The following COL5A2 variants were observed in gnomAD, a reference collection of about 807,000 sequenced individuals.
COL5A2 encodes the protein collagen type V alpha 2 chain, also known as collagen alpha-2(V) chain.
In COL5A2, 23 loss-of-function variants were observed where a neutral mutation model predicts 208.2. The ratio of observed to expected loss-of-function variants is 0.11; its 90% CI spans 0.08 to 0.16. The LOEUF (loss-of-function observed/expected upper bound fraction) is 0.16. Ranked by LOEUF, COL5A2 falls within the 10% of genes least tolerant of loss-of-function variation. The pLI is 1.00. For synonymous variants in COL5A2, 625 were observed against 628.5 expected (o/e 0.99, Z 0.08); for missense variants, 1,590 against 1,956.4 (o/e 0.81, Z 3.53).
At chr2:189,142,576 T>C (rs1171900620) in intron 1 of COL5A2, among the ~76,000 whole-genome samples, 1 of 152,182 alleles carries the variant, frequency 6.6e-6, no homozygotes, top group Non-Finnish European at 1.5e-5. Context: ...TATTATCTTA[T>C]GCCCACTCTT....
At chr2:189,080,936 G>T in intron 13 of COL5A2, 54 bp downstream of exon 13, 1 of 1,416,588 alleles carries the variant, frequency 7.1e-7, no homozygotes, top group South Asian at 1.1e-5. Flanking sequence ...AATCTCCCCA[G>T]AGCCTGTTCA....
the COL5A2 span, among the ~76,000 whole-genome samples, chr2:189,405,308 T>C: frequency 1.3e-5 from 2 of 152,130 alleles, no homozygotes; most frequent in African/African-American, 4.8e-5. Flanking sequence ...CTTGGCTCAC[T>C]GCAACCTCCG....
At chr2:189,241,090 T>C in the COL5A2 span, among the ~76,000 whole-genome samples, 2 of 152,184 alleles carry the variant, frequency 1.3e-5, no homozygotes, top group Non-Finnish European at 2.9e-5. Context: ...CAATCTTCTA[T>C]AATGTTCAAT....
upstream of COL5A2, among the ~76,000 whole-genome samples, chr2:189,227,880 C>G (rs1689439164): frequency 6.6e-6 from 1 of 151,880 alleles, no homozygotes; most frequent in Admixed American, 6.6e-5. Context: ...ACATTTCAAG[C>G]AACAGACACA....
At chr2:189,223,987 C>T (rs1217040272) in intron 1 of COL5A2, among the ~76,000 whole-genome samples, 2 of 151,950 alleles carry the variant, frequency 1.3e-5, no homozygotes, top group Non-Finnish European at 2.9e-5. Flanking sequence ...AATTCTGTCA[C>T]ATTGTGATAC....
upstream of COL5A2, among the ~76,000 whole-genome samples, chr2:189,180,802 G>A (rs1425500563): frequency 1.1e-4 from 17 of 152,254 alleles, no homozygotes; most frequent in Non-Finnish European, 2.5e-4. Flanking sequence ...GAAAATTATC[G>A]ATGAACTTTT....
chr2:189,411,194 C>A, the COL5A2 span, among the ~76,000 whole-genome samples: 1 of 152,110 alleles, frequency 6.6e-6, no homozygotes, highest in Non-Finnish European at 1.5e-5. Flanking sequence ...TCCAATATCA[C>A]CTTCTCTGTA....
chr2:189,034,087 G>A lies in COL5A2; in HGVS notation c.4483C>T (p.Pro1495Ser). The A allele has an allele frequency of 6.2e-7, 1 of 1,613,878 alleles. No homozygotes were observed. Among genetic ancestry groups the A allele is most frequent in the Non-Finnish European group, 8.5e-7 (1 of 1,179,890 alleles). Reference protein sequence around the residue: ...TDQEFGVEIGPVCFV With the variant: ...TDQEFGVEIGSVCFV Reference sequence around the variant, plus strand: ...GGCTTACTTTACACAAAACAAACTGGCCCAATTTCAACGCCGAATTCCTGG... The same window carrying A: ...GGCTTACTTTACACAAAACAAACTGACCCAATTTCAACGCCGAATTCCTGG... Residue 1495 changes from proline (P) to serine (S), a missense_variant, in exon 54 of 54, where the codon CCA becomes TCA. Coordinates refer to ENST00000374866, the MANE Select transcript of COL5A2 (RefSeq NM_000393.5).
chr2:189,044,176 G>A (rs1239491165), intron 47 of COL5A2, among the ~76,000 whole-genome samples: 1 of 152,178 alleles, frequency 6.6e-6, no homozygotes, highest in Non-Finnish European at 1.5e-5. Context: ...GACTTTGGAA[G>A]ATGACTGCAG....
chr2:189,169,234 G>A (rs1039519676), intron 1 of COL5A2, among the ~76,000 whole-genome samples: 1 of 152,182 alleles, frequency 6.6e-6, no homozygotes, highest in East Asian at 1.9e-4. Flanking sequence ...CTCTGAAGCA[G>A]ACAGGGATGG....
At chr2:189,379,564 A>T in the COL5A2 span, among the ~76,000 whole-genome samples, 2 of 152,182 alleles carry the variant, frequency 1.3e-5, no homozygotes, top group Non-Finnish European at 2.9e-5. Context: ...GATACTCGAG[A>T]TACTCAGCTC....
At chr2:189,155,336 A>G (rs1003612625) in intron 1 of COL5A2, among the ~76,000 whole-genome samples, 1 of 142,774 alleles carries the variant, frequency 7.0e-6, no homozygotes, top group African/African-American at 2.6e-5. Context: ...CATTTATTTT[A>G]TAGCACATAC....
chr2:189,434,619 G>A, the COL5A2 span, among the ~76,000 whole-genome samples: 3 of 152,110 alleles, frequency 2.0e-5, no homozygotes, highest in Non-Finnish European at 4.4e-5. Context: ...CAACTTACAA[G>A]GGATGTGAAG....
chr2:189,114,345 T>C (rs1202528412), intron 1 of COL5A2, among the ~76,000 whole-genome samples: 1 of 152,150 alleles, frequency 6.6e-6, no homozygotes, highest in African/African-American at 2.4e-5. Context: ...ATCTACATGG[T>C]AGTTGTACAC....
At chr2:189,420,004 G>A in the COL5A2 span, among the ~76,000 whole-genome samples, 1 of 144,582 alleles carries the variant, frequency 6.9e-6, no homozygotes, top group Non-Finnish European at 1.5e-5. Context: ...GAGGAGAGAG[G>A]AGGAGGAGGA....
At chr2:189,213,178 C>T (rs1689237185) in intron 1 of COL5A2, among the ~76,000 whole-genome samples, 1 of 152,010 alleles carries the variant, frequency 6.6e-6, no homozygotes, top group Non-Finnish European at 1.5e-5. Context: ...GCATGAGTCA[C>T]CACGCCCTGC....
the COL5A2 span, among the ~76,000 whole-genome samples, chr2:189,292,416 G>A: frequency 0.039 from 5,896 of 152,044 alleles, 128 homozygotes; most frequent in Admixed American, 0.052. Flanking sequence ...CCTGCAAAAA[G>A]AACAACCCCA....
At chr2:189,270,941 A>G in the COL5A2 span, among the ~76,000 whole-genome samples, 8 of 152,150 alleles carry the variant, frequency 5.3e-5, no homozygotes, top group South Asian at 4.2e-4. Flanking sequence ...TAGGAATACA[A>G]CTTATGAGGG....
intron 7 of COL5A2, among the ~76,000 whole-genome samples, chr2:189,091,944 T>A (rs759415848): frequency 6.6e-6 from 1 of 152,210 alleles, no homozygotes; most frequent in Non-Finnish European, 1.5e-5. Flanking sequence ...TTGTGGAGGA[T>A]ACGGAGCAGA....
Sources: gnomAD v4.1 joint callset for allele counts (sites outside exome capture counted in the v4.1 genomes callset) on GRCh38, gnomAD v4.1.1 for gene constraint, MANE v1.5 for transcripts, NCBI Gene and HGNC (gene_info 2026-07-23, HGNC 2026-07-21) for gene names.